The following GRIK4 variants were observed in gnomAD, a reference collection of about 807,000 sequenced individuals.
GRIK4 encodes glutamate receptor ionotropic, kainate 4.
Under a neutral mutation model 104.9 loss-of-function variants are expected in GRIK4, and 40 were observed. The observed-to-expected ratio is 0.38, with a 90% CI of 0.30 to 0.50. GRIK4 has a LOEUF of 0.50. GRIK4 is among the 20% of genes least tolerant of loss of function. GRIK4 has a pLI of 0.93. For missense variants in GRIK4, 1,047 were observed against 1,308.1 expected (o/e 0.80, Z 3.08); for synonymous variants, 485 against 524.9 (o/e 0.92, Z 1.04).
At chr11:120,932,376 C>T (rs1333486919) in intron 13 of GRIK4, among the ~76,000 whole-genome samples, 4 of 152,120 alleles carry the variant, frequency 2.6e-5, no homozygotes, top group Non-Finnish European at 4.4e-5. Context: ...GCTCTGCAGG[C>T]AGTCCCCGCC....
At chr11:120,522,002 C>A (rs1947801285) in intron 1 of GRIK4, among the ~76,000 whole-genome samples, 1 of 152,212 alleles carries the variant, frequency 6.6e-6, no homozygotes, top group Admixed American at 6.5e-5. Flanking sequence ...GATTCTCCAG[C>A]CAACCCTATG....
chr11:120,729,004 G>C (rs929413709), intron 3 of GRIK4, among the ~76,000 whole-genome samples: 4 of 152,168 alleles, frequency 2.6e-5, no homozygotes, highest in Admixed American at 6.5e-5. Flanking sequence ...AAACAAGTGA[G>C]AACATGCGAA....
intron 1 of GRIK4, among the ~76,000 whole-genome samples, chr11:120,520,101 C>G (rs956135039): frequency 6.6e-6 from 1 of 152,078 alleles, no homozygotes; most frequent in Non-Finnish European, 1.5e-5. Flanking sequence ...CCATGTTGGC[C>G]AGGCTGGTCT....
intron 8 of GRIK4, among the ~76,000 whole-genome samples, chr11:120,848,667 A>G (rs545362105): frequency 4.7e-4 from 71 of 152,264 alleles, no homozygotes; most frequent in Middle Eastern, 3.4e-3. Context: ...CAGTATATCC[A>G]GGGGGGAAAT....
At chr11:120,828,192 G>T (rs1291035655) in intron 6 of GRIK4, among the ~76,000 whole-genome samples, 1 of 152,214 alleles carries the variant, frequency 6.6e-6, no homozygotes, top group Non-Finnish European at 1.5e-5. Flanking sequence ...CTGGGGTTAT[G>T]CAGGGAAGTC....
intron 1 of GRIK4, among the ~76,000 whole-genome samples, chr11:120,541,131 C>T (rs1434849435): frequency 1.3e-5 from 2 of 152,258 alleles, no homozygotes; most frequent in Non-Finnish European, 2.9e-5. Flanking sequence ...CTAGTTCACA[C>T]ATCTGGGCCC....
chr11:120,581,460 C>T (rs1156682395), intron 1 of GRIK4, among the ~76,000 whole-genome samples: 1 of 152,168 alleles, frequency 6.6e-6, no homozygotes, highest in Non-Finnish European at 1.5e-5. Context: ...TTTAAATGTA[C>T]AGTTCAGCAG....
chr11:120,665,876 T>G (rs763473055), intron 3 of GRIK4, among the ~76,000 whole-genome samples: 9 of 152,168 alleles, frequency 5.9e-5, no homozygotes, highest in Non-Finnish European at 2.9e-5. Flanking sequence ...CAGGCTGGCA[T>G]GCTGTGGTGT....
intron 1 of GRIK4, among the ~76,000 whole-genome samples, chr11:120,634,509 C>T (rs867838101): frequency 7.2e-5 from 11 of 152,122 alleles, no homozygotes; most frequent in African/African-American, 2.4e-4. Flanking sequence ...CAGGGCCTCG[C>T]CTTGGCCTTT....
chr11:120,963,633 C>A (rs1944331152), intron 18 of GRIK4, among the ~76,000 whole-genome samples: 1 of 152,176 alleles, frequency 6.6e-6, no homozygotes, highest in Non-Finnish European at 1.5e-5. Context: ...GTATGCTCAT[C>A]TTTGTAGTTA....
chr11:120,914,136 A>C (rs1222574368), intron 13 of GRIK4, among the ~76,000 whole-genome samples: 1 of 152,186 alleles, frequency 6.6e-6, no homozygotes, highest in Non-Finnish European at 1.5e-5. Context: ...TCATTCATTC[A>C]TCAAAGTGCG....
intron 3 of GRIK4, among the ~76,000 whole-genome samples, chr11:120,727,569 C>G (rs973421274): frequency 3.3e-5 from 5 of 152,068 alleles, no homozygotes; most frequent in African/African-American, 1.2e-4. Flanking sequence ...AGATGAGTAA[C>G]ATCCTGCTGA....
intron 13 of GRIK4, among the ~76,000 whole-genome samples, chr11:120,921,956 T>C (rs1943237217): frequency 6.6e-6 from 1 of 152,106 alleles, no homozygotes; most frequent in Non-Finnish European, 1.5e-5. Flanking sequence ...TTTCCTGAAG[T>C]ATGTGTGTTG....
chr11:120,868,431 A>G (rs992938936), intron 9 of GRIK4: 2 of 151,984 alleles, frequency 1.3e-5, no homozygotes, highest in Non-Finnish European at 2.9e-5. Context: ...AGAAGCAGAG[A>G]CAAAAGCGAG....
chr11:120,881,796 C>T (rs139497203), intron 11 of GRIK4, among the ~76,000 whole-genome samples: 166 of 152,286 alleles, frequency 1.1e-3, no homozygotes, highest in African/African-American at 3.9e-3. Context: ...AGTTGGGATC[C>T]TCCTGCGTTG....
At chr11:120,551,077 C>T (rs370653910) in intron 1 of GRIK4, among the ~76,000 whole-genome samples, 72 of 152,092 alleles carry the variant, frequency 4.7e-4, no homozygotes, top group African/African-American at 1.6e-3. Context: ...ATTCACGAGA[C>T]GAATGGTTTG....
chr11:120,807,553 C>T (rs1431790516), intron 4 of GRIK4, among the ~76,000 whole-genome samples: 1 of 152,208 alleles, frequency 6.6e-6, no homozygotes, highest in Non-Finnish European at 1.5e-5. Context: ...CCAAGCTTCT[C>T]ACAGGCTCCA....
chr11:120,668,386 G>C (rs1306230318), intron 3 of GRIK4, among the ~76,000 whole-genome samples: 4 of 151,598 alleles, frequency 2.6e-5, no homozygotes, highest in Non-Finnish European at 5.9e-5. Flanking sequence ...GAAAGAAAAA[G>C]AAAGGAAGAA....
chr11:120,593,611 TTCTC>T (rs1324451097), intron 1 of GRIK4, among the ~76,000 whole-genome samples: 7 of 152,174 alleles, frequency 4.6e-5, no homozygotes, highest in Non-Finnish European at 8.8e-5. Flanking sequence ...TAACTGTATA[TTCTC>T]TCTGAGTGAA....
Sources: gnomAD v4.1 joint callset for allele counts (sites outside exome capture counted in the v4.1 genomes callset) on GRCh38, gnomAD v4.1.1 for gene constraint, MANE v1.5 for transcripts, NCBI Gene and HGNC (gene_info 2026-07-23, HGNC 2026-07-21) for gene names.